The following SLCO5A1 variants were observed in gnomAD, a reference collection of about 807,000 sequenced individuals.
The protein encoded by SLCO5A1 is solute carrier organic anion transporter family member 5A1.
A neutral mutation model predicts 65.1 loss-of-function variants in SLCO5A1; 39 were observed. The observed-to-expected ratio is 0.60, with a 90% confidence interval of 0.46 to 0.78. The LOEUF (loss-of-function observed/expected upper bound fraction) is 0.78, where lower values mean the gene tolerates loss of function less well. Ranked by LOEUF, SLCO5A1 falls within the 30% of genes least tolerant of loss-of-function variation. The pLI is 0.00. For missense variants in SLCO5A1, 1,029 were observed against 1,069.4 expected (o/e 0.96, Z 0.53); for synonymous variants, 438 against 415.7 (o/e 1.05, Z -0.65).
In SLCO5A1 at chr8:69,669,306, A is replaced by G. The variant is rs913526761; in HGVS notation, c.*3563T>C. The G allele has an allele frequency of 6.6e-6, 1 of 152,270 alleles. No homozygotes were observed. Among genetic ancestry groups the G allele is most frequent in the East Asian group, 1.9e-4 (1 of 5,180 alleles). The allele number at this position is 152,270 out of a possible 1,614,324, so 9.4% of individuals were successfully genotyped here. A position where few individuals can be genotyped will look rare whatever the true frequency, so the allele number is the denominator to read the frequency against. On this transcript the variant is annotated 3_prime_UTR_variant, in exon 10 of 10. Coordinates refer to ENST00000260126, the MANE Select transcript of SLCO5A1 (RefSeq NM_030958.3). Reference sequence around the variant, plus strand: ...AAAAAAACCTCTCTACTCTTCATAAACGGTAATATATCAAAAAATTGAAAT... The same window carrying G: ...AAAAAAACCTCTCTACTCTTCATAAGCGGTAATATATCAAAAAATTGAAAT...
chr8:69,790,259 G>C (rs936699395), intron 2 of SLCO5A1, among the ~76,000 whole-genome samples: 29 of 151,524 alleles, frequency 1.9e-4, no homozygotes, highest in African/African-American at 6.8e-4. Context: ...TGCTTGAAGG[G>C]ATGTATACCC....
At chr8:69,745,324 T>C (rs573235027) in intron 4 of SLCO5A1, among the ~76,000 whole-genome samples, 261 of 152,282 alleles carry the variant, frequency 1.7e-3, no homozygotes, top group Non-Finnish European at 2.4e-3. Flanking sequence ...CCCACCGACA[T>C]TGTGCATCCA....
chr8:69,692,322 G>T (rs988165380), intron 6 of SLCO5A1, among the ~76,000 whole-genome samples: 6 of 152,186 alleles, frequency 3.9e-5, no homozygotes, highest in African/African-American at 2.4e-5. Context: ...GAGCCTGCAG[G>T]ACTGGAATTT....
chr8:69,754,231 A>G (rs1817452168), intron 4 of SLCO5A1, among the ~76,000 whole-genome samples: 1 of 152,184 alleles, frequency 6.6e-6, no homozygotes, highest in South Asian at 2.1e-4. Context: ...GAAGTCATGT[A>G]CAGTTCCAAA....
intron 3 of SLCO5A1, 120 bp downstream of exon 3, chr8:69,761,623 C>G: frequency 1.9e-6 from 2 of 1,069,520 alleles, no homozygotes; most frequent in Non-Finnish European, 2.7e-6. Flanking sequence ...GTCACCCCTT[C>G]CCAGGCACCT....
chr8:69,715,712 C>T (rs2130821232), intron 5 of SLCO5A1, among the ~76,000 whole-genome samples: 1 of 152,276 alleles, frequency 6.6e-6, no homozygotes, highest in South Asian at 2.1e-4. Context: ...TCTTGAGAAA[C>T]CATATTAATT....
At chr8:69,731,660 T>A (rs965368052) in intron 5 of SLCO5A1, among the ~76,000 whole-genome samples, 17 of 152,240 alleles carry the variant, frequency 1.1e-4, no homozygotes, top group Non-Finnish European at 2.4e-4. Flanking sequence ...CAGCATGATA[T>A]TAATACATAC....
At chr8:69,682,909 G>C (rs1321893453) in intron 6 of SLCO5A1, among the ~76,000 whole-genome samples, 1 of 152,254 alleles carries the variant, frequency 6.6e-6, no homozygotes, top group African/African-American at 2.4e-5. Context: ...TTTCAAAGAT[G>C]ATTAGGAATC....
intron 2 of SLCO5A1, among the ~76,000 whole-genome samples, chr8:69,825,120 A>T (rs1315146059): frequency 6.6e-6 from 1 of 152,218 alleles, no homozygotes; most frequent in Non-Finnish European, 1.5e-5. Flanking sequence ...TATTGATGGG[A>T]TGTATCTCAA....
At chr8:69,766,747 T>A (rs1230688761) in intron 2 of SLCO5A1, among the ~76,000 whole-genome samples, 1 of 152,202 alleles carries the variant, frequency 6.6e-6, no homozygotes, top group Admixed American at 6.5e-5. Context: ...CACTACATAT[T>A]TCCTTTGTCC....
intron 2 of SLCO5A1, 143 bp downstream of exon 2, chr8:69,831,624 A>G: frequency 3.3e-6 from 3 of 912,612 alleles, no homozygotes; most frequent in Non-Finnish European, 4.8e-6. Context: ...AACACACTAC[A>G]GCAAGGCTAA....
At chr8:69,770,112 T>C (rs961710592) in intron 2 of SLCO5A1, among the ~76,000 whole-genome samples, 2 of 152,228 alleles carry the variant, frequency 1.3e-5, no homozygotes, top group Admixed American at 1.3e-4. Context: ...CTCCAGCTTT[T>C]TCTATGTCAA....
chr8:69,782,358 G>A (rs1367670517), intron 2 of SLCO5A1, among the ~76,000 whole-genome samples: 1 of 152,104 alleles, frequency 6.6e-6, no homozygotes, highest in Non-Finnish European at 1.5e-5. Context: ...AAGGAGGGAG[G>A]ATTGCTTGAG....
chr8:69,787,146 T>C (rs938432638), intron 2 of SLCO5A1, among the ~76,000 whole-genome samples: 1 of 152,214 alleles, frequency 6.6e-6, no homozygotes, highest in Non-Finnish European at 1.5e-5. Context: ...ACTCGTGGCA[T>C]CTAGCACTGA....
chr8:69,832,840 C>G lies in SLCO5A1; in HGVS notation c.-167G>C, dbSNP rs1214203480. ...GGCATCCTCACCAGCTGCGAGGCGC[C>G]CAGTGCATCCTGATCACAGACACGG... is the stretch of plus-strand genomic sequence containing the variant. On this transcript the variant is annotated 5_prime_UTR_variant, in exon 2 of 10. Coordinates refer to ENST00000260126, the MANE Select transcript of SLCO5A1 (RefSeq NM_030958.3). The surrounding 1 kb of genome is among the most constrained non-coding windows in gnomAD (Gnocchi z 4.5). The G allele has an allele frequency of 1.2e-5, 9 of 723,680 alleles. No homozygotes were observed. The highest frequency in any genetic ancestry group is 1.6e-5 in the Non-Finnish European group (7 of 451,528). 44.8% of individuals were successfully genotyped at this position (723,680 alleles called of 1,614,324 possible).
intron 3 of SLCO5A1, among the ~76,000 whole-genome samples, chr8:69,758,042 G>A (rs1341068407): frequency 6.6e-6 from 1 of 152,138 alleles, no homozygotes; most frequent in African/African-American, 2.4e-5. Flanking sequence ...CTACAAGTGG[G>A]GTATTAAGTA....
intron 6 of SLCO5A1, among the ~76,000 whole-genome samples, chr8:69,687,170 C>T (rs1230494993): frequency 6.6e-6 from 1 of 152,148 alleles, no homozygotes; most frequent in Admixed American, 6.5e-5. Context: ...AAATTTACTC[C>T]TACAGAGAAT....
intron 5 of SLCO5A1, among the ~76,000 whole-genome samples, chr8:69,732,662 G>A (rs1035090173): frequency 4.6e-5 from 7 of 152,028 alleles, no homozygotes; most frequent in Non-Finnish European, 8.8e-5. Flanking sequence ...AGGGAGAGGC[G>A]GGCAGATCAC....
intron 2 of SLCO5A1, among the ~76,000 whole-genome samples, chr8:69,776,057 G>T (rs1283057213): frequency 6.6e-6 from 1 of 151,920 alleles, no homozygotes; most frequent in East Asian, 1.9e-4. Flanking sequence ...ATGAGATACA[G>T]TTCTAATTTA....
Sources: gnomAD v4.1 joint callset for allele counts (sites outside exome capture counted in the v4.1 genomes callset) on GRCh38, gnomAD v4.1.1 for gene constraint, Gnocchi (gnomAD v3.1) non-coding constraint, MANE v1.5 for transcripts, NCBI Gene and HGNC (gene_info 2026-07-23, HGNC 2026-07-21) for gene names.